The following ADAM10 variants were observed in gnomAD, a reference collection of about 807,000 sequenced individuals.
ADAM10 encodes disintegrin and metalloproteinase domain-containing protein 10.
In ADAM10, 17 loss-of-function variants were observed where a neutral mutation model predicts 90.1. The observed-to-expected ratio is 0.19, with a 90% CI of 0.13 to 0.28. The LOEUF is 0.28. Ranked by LOEUF, ADAM10 falls within the 10% of genes least tolerant of loss-of-function variation. The pLI, the probability that ADAM10 is intolerant of heterozygous loss-of-function variation, is 1.00. For synonymous variants in ADAM10, 310 were observed against 298.6 expected, an observed-to-expected ratio of 1.04 and a Z score of -0.40; for missense variants, 610 against 914.3, an observed-to-expected ratio of 0.67 and a Z score of 4.29.
intron 1 of ADAM10, among the ~76,000 whole-genome samples, chr15:58,720,439 C>CTG (rs2140820703): frequency 6.7e-6 from 1 of 149,714 alleles, no homozygotes; most frequent in Admixed American, 6.7e-5. Flanking sequence ...CTCGCTCTGT[C>CTG]ACCCAGACTG....
At chr15:58,741,170 C>A (rs1487945454) in intron 1 of ADAM10, among the ~76,000 whole-genome samples, 3 of 152,128 alleles carry the variant, frequency 2.0e-5, no homozygotes, top group African/African-American at 7.2e-5. Context: ...AGATGGTAAG[C>A]AAATTCTGCT....
intron 11 of ADAM10, among the ~76,000 whole-genome samples, chr15:58,618,049 A>C (rs917541418): frequency 6.6e-6 from 1 of 152,170 alleles, no homozygotes; most frequent in Non-Finnish European, 1.5e-5. Context: ...ACAATCCTAT[A>C]AGTCATATGA....
At chr15:58,654,356 T>C (rs1471509042) in intron 5 of ADAM10, among the ~76,000 whole-genome samples, 2 of 152,330 alleles carry the variant, frequency 1.3e-5, no homozygotes, top group African/African-American at 2.4e-5. Flanking sequence ...CTGCTTTTAC[T>C]GTATCCTACG....
Position 58,597,473 on chromosome 15 carries a change from G to A in ADAM10, c.*74C>T, listed in dbSNP as rs758266611. On this transcript the variant is annotated 3_prime_UTR_variant, in exon 16 of 16. Coordinates refer to ENST00000260408, the MANE Select transcript of ADAM10 (RefSeq NM_001110.4). ...TGTGAGGGTTTAGTTTGGAGATGAT[G>A]ACTTAATAGGTTTCTCTTTGGAGTG... The A allele has an allele frequency of 1.9e-6, 3 of 1,610,546 alleles. No individual in the cohort carries two copies. The highest frequency in any genetic ancestry group is 2.5e-6 in the Non-Finnish European group (3 of 1,178,200).
rs1449369214 is a variant in ADAM10, at chr15:58,590,664, C to T, written c.*6883G>A. On this transcript the variant is annotated 3_prime_UTR_variant, in exon 16 of 16. Transcript: ENST00000260408. ...AACTAAATAATGAAGAATATATTGA[C>T]ACCTTAATTTATAAAAACCGGCCTG... The T allele has an allele frequency of 6.6e-6, 1 of 152,136 alleles. No individual in the cohort carries two copies. Among genetic ancestry groups the T allele is most frequent in the East Asian group, 1.9e-4 (1 of 5,204 alleles). 9.4% of individuals were successfully genotyped at this position (152,136 alleles called of 1,614,324 possible). A position where few individuals can be genotyped will look rare whatever the true frequency, so the allele number is the denominator to read the frequency against.
At chr15:58,614,180 G>A (rs560433310) in intron 11 of ADAM10, among the ~76,000 whole-genome samples, 2 of 152,192 alleles carry the variant, frequency 1.3e-5, no homozygotes, top group Non-Finnish European at 2.9e-5. Context: ...AGCTACTCAG[G>A]AGGTTGAGGC....
chr15:58,633,406 A>C lies in ADAM10; in HGVS notation c.1013-47T>G, dbSNP rs760075049. 2.0e-6 allele frequency: 3 copies of C among 1,530,260 alleles called. No individual in the cohort carries two copies. The African/African-American group carries it at 4.1e-5, about 21-fold the overall frequency. The allele number at this position is 1,530,260 out of a possible 1,614,324, so 94.8% of individuals were successfully genotyped here. A position where few individuals can be genotyped will look rare whatever the true frequency, so the allele number is the denominator to read the frequency against. On this transcript the variant is annotated intron_variant, in intron 8 of 15. Transcript: ENST00000260408. ...GCTAAATTAGTATCTGTTTCCCCTT[A>C]CCCCCAAAAAGGTAATACATGCTAT...
At chr15:58,747,836 T>C (rs1422182949) in intron 1 of ADAM10, 1 of 152,236 alleles carries the variant, frequency 6.6e-6, no homozygotes, top group Non-Finnish European at 1.5e-5. Flanking sequence ...AGTTTCTTAC[T>C]GTTTTCATTA....
rs185814607 is a variant in ADAM10, at chr15:58,671,486, G to T, written c.485-6289C>A. Among the ~76,000 whole-genome samples, 1,137 of 152,276 alleles carry T rather than the reference G, an allele frequency of 7.5e-3. 11 individuals carry two copies. The highest frequency in any genetic ancestry group is 0.013 in the Non-Finnish European group (853 of 68,004). ...AATTATGCTATCAGAGATGTGAAAG[G>T]CTGAGGTTTAGCTCCGAGTATCTCT... On this transcript the variant is annotated intron_variant, in intron 4 of 15. Transcript: ENST00000260408.
At chr15:58,620,442 G>A (rs1384819615) in intron 11 of ADAM10, among the ~76,000 whole-genome samples, 2 of 151,810 alleles carry the variant, frequency 1.3e-5, no homozygotes, top group African/African-American at 4.8e-5. Flanking sequence ...ACTCCAGCCT[G>A]GGTGACAGGT....
At chr15:58,714,647 C>G (rs1161996507) in intron 2 of ADAM10, among the ~76,000 whole-genome samples, 1 of 151,796 alleles carries the variant, frequency 6.6e-6, no homozygotes, top group Non-Finnish European at 1.5e-5. Flanking sequence ...AACTCAAAGT[C>G]ATTTCAAAGT....
chr15:58,733,351 C>G (rs1223143711), intron 1 of ADAM10, among the ~76,000 whole-genome samples: 5 of 152,076 alleles, frequency 3.3e-5, no homozygotes, highest in African/African-American at 1.2e-4. Context: ...TGGAAATGAC[C>G]CAGCTCCTGC....
Position 58,693,087 on chromosome 15 carries a change from C to T in ADAM10, c.207-10773G>A, listed in dbSNP as rs752718005. On this transcript the variant is annotated intron_variant, in intron 2 of 15. Coordinates refer to ENST00000260408, the MANE Select transcript of ADAM10 (RefSeq NM_001110.4). Reference sequence around the variant, plus strand: ...TAGAGATCAACTCCTGAAGGAAAATCTCCTTGTTGGAATAGAAGGTATTGA... The same window carrying T: ...TAGAGATCAACTCCTGAAGGAAAATTTCCTTGTTGGAATAGAAGGTATTGA... The T allele has an allele frequency of 4.0e-6, 3 of 746,624 alleles. No individual in the cohort carries two copies. In the Admixed American group the frequency reaches 5.2e-5, roughly 13 times the overall value. 46.2% of individuals were successfully genotyped at this position (746,624 alleles called of 1,614,324 possible).
At chr15:58,741,271 G>A (rs1000290112) in intron 1 of ADAM10, among the ~76,000 whole-genome samples, 1 of 152,108 alleles carries the variant, frequency 6.6e-6, no homozygotes, top group African/African-American at 2.4e-5. Context: ...TAGTTCACAT[G>A]AAATCAAGAG....
At chr15:58,624,167 C>G (rs913560891) in intron 10 of ADAM10, among the ~76,000 whole-genome samples, 2 of 151,770 alleles carry the variant, frequency 1.3e-5, no homozygotes, top group South Asian at 4.2e-4. Flanking sequence ...ACTCCTGCAG[C>G]CCCAGCTACT....
rs1473387842 is a variant in ADAM10 at position 58,591,735 on chromosome 15, A to C, written c.*5812T>G. Reference sequence around the variant, plus strand: ...CTTCAATCCTTATTTTTAAGCAAAAACTTATACATCGTATCATTTCATTTT... The same window carrying C: ...CTTCAATCCTTATTTTTAAGCAAAACCTTATACATCGTATCATTTCATTTT... On this transcript the variant is annotated 3_prime_UTR_variant, in exon 16 of 16. Transcript: ENST00000260408. 1 of 152,246 alleles carries C rather than the reference A, an allele frequency of 6.6e-6. No homozygotes were observed. Among genetic ancestry groups the C allele is most frequent in the Non-Finnish European group, 1.5e-5 (1 of 68,052 alleles). The allele number at this position is 152,246 out of a possible 1,614,324, so 9.4% of individuals were successfully genotyped here. A position where few individuals can be genotyped will look rare whatever the true frequency, so the allele number is the denominator to read the frequency against.
chr15:58,634,815 A>G (rs1566974892), intron 8 of ADAM10, among the ~76,000 whole-genome samples: 2 of 152,164 alleles, frequency 1.3e-5, no homozygotes, highest in Non-Finnish European at 2.9e-5. Context: ...TTACTAAACC[A>G]TTTAAAAAAA....
intron 1 of ADAM10, among the ~76,000 whole-genome samples, chr15:58,734,726 AG>A (rs1899371161): frequency 2.6e-5 from 4 of 152,042 alleles, no homozygotes. Context: ...AAAACTGAAA[AG>A]AAAAAAAATT....
At chr15:58,673,634 G>T (rs572119859) in intron 4 of ADAM10, among the ~76,000 whole-genome samples, 1 of 151,782 alleles carries the variant, frequency 6.6e-6, no homozygotes, top group East Asian at 1.9e-4. Flanking sequence ...TTTATATAAC[G>T]TTACGTAATA....
Sources: allele counts gnomAD v4.1 joint callset (sites outside exome capture counted in the v4.1 genomes callset), GRCh38; gene constraint gnomAD v4.1.1; transcripts MANE v1.5; gene names NCBI Gene and HGNC (gene_info 2026-07-23, HGNC 2026-07-21).